Variants in GGACT observed in about 807,000 individuals in gnomAD.
GGACT encodes gamma-glutamylaminecyclotransferase.
For synonymous variants in GGACT, 118 were observed against 115.3 expected, an observed-to-expected ratio of 1.02 and a Z score of -0.15; for missense variants, 241 against 233.2, an observed-to-expected ratio of 1.03 and a Z score of -0.22.
chr13:100,550,298 CTA>C (rs1491365989), intron 2 of GGACT, among the ~76,000 whole-genome samples: 8 of 126,136 alleles, frequency 6.3e-5, no homozygotes, highest in African/African-American at 2.5e-4. Context: ...CGATTATACT[CTA>C]CACACACACA....
rs1384286130 is a variant in GGACT at position 100,545,198 on chromosome 13, G to A, written c.-10-12597C>T. Among the ~76,000 whole-genome samples the A allele has an allele frequency of 6.6e-6, 1 of 152,226 alleles. No individual in the cohort carries two copies. Among genetic ancestry groups the A allele is most frequent in the Non-Finnish European group, 1.5e-5 (1 of 68,040 alleles). On this transcript the variant is annotated intron_variant, in intron 2 of 2. Coordinates refer to ENST00000683975, the MANE Select transcript of GGACT (RefSeq NM_001195087.2). This position sits in a 1 kb window ranked among gnomAD's most constrained non-coding sequence, Gnocchi z 4.4. ...ACGGGGGATCAACGCCACCCCCAAG[G>A]GAGAGCCCTGACTCCATGCCCACCC... is the stretch of plus-strand genomic sequence containing the variant.
chr13:100,540,182 A>G, intron 2 of GGACT: 1 of 1,557,000 alleles, frequency 6.4e-7, no homozygotes, highest in East Asian at 2.2e-5. Flanking sequence ...CAGTTAGTGC[A>G]GCGAATAGGC....
rs1246035632 is a variant in GGACT at position 100,577,416 on chromosome 13, C to CAAAAAAAA, written c.-11+6408_-11+6409insTTTTTTTT. The stretch of plus-strand genomic sequence containing the variant: ...GGGTGACAAGAGCGAGACTCCATCT[C>CAAAAAAAA]AAAAATAAATAAATAAATAAATAAA... On this transcript the variant is annotated intron_variant, in intron 2 of 2. Coordinates refer to ENST00000683975, the MANE Select transcript of GGACT (RefSeq NM_001195087.2). Among the ~76,000 whole-genome samples the CAAAAAAAA allele has an allele frequency of 6.1e-3, 185 of 30,108 alleles. 1 individual carries two copies. Among genetic ancestry groups the CAAAAAAAA allele is most frequent in the African/African-American group, 9.9e-3 (161 of 16,254 alleles). The allele number at this position is 30,108 out of a possible 152,430, so 19.8% of individuals were successfully genotyped here.
chr13:100,543,393 A>C (rs2088573534), intron 2 of GGACT, among the ~76,000 whole-genome samples: 1 of 151,832 alleles, frequency 6.6e-6, no homozygotes, highest in Non-Finnish European at 1.5e-5. Flanking sequence ...TTTTTAGTAG[A>C]GATGGGGTTT....
chr13:100,580,971 C>T (rs1053293151), intron 2 of GGACT, among the ~76,000 whole-genome samples: 2 of 152,222 alleles, frequency 1.3e-5, no homozygotes, highest in Non-Finnish European at 2.9e-5. Flanking sequence ...AAATGTGCCA[C>T]AGGCAATGGG....
chr13:100,559,434 C>G (rs188791117), intron 2 of GGACT, among the ~76,000 whole-genome samples: 2 of 151,704 alleles, frequency 1.3e-5, no homozygotes, highest in African/African-American at 2.4e-5. Flanking sequence ...TGATCTACCC[C>G]CCTCGGCCTC....
chr13:100,551,529 T>C (rs2088664678), intron 2 of GGACT, among the ~76,000 whole-genome samples: 1 of 152,162 alleles, frequency 6.6e-6, no homozygotes, highest in African/African-American at 2.4e-5. Context: ...CTGGGGGCCA[T>C]GCTTCAGTAA....
intron 2 of GGACT, among the ~76,000 whole-genome samples, chr13:100,540,761 C>G (rs1420224768): frequency 6.6e-6 from 1 of 152,224 alleles, no homozygotes; most frequent in Non-Finnish European, 1.5e-5. Flanking sequence ...CTGTGAGGAT[C>G]ACAACCAACA....
chr13:100,556,486 A>C (rs2088709113), intron 2 of GGACT, among the ~76,000 whole-genome samples: 1 of 152,040 alleles, frequency 6.6e-6, no homozygotes, highest in African/African-American at 2.4e-5. Flanking sequence ...TATCTAAATA[A>C]ATGGAGAGAT....
chr13:100,577,762 C>A (rs1458423298), intron 2 of GGACT, among the ~76,000 whole-genome samples: 1 of 144,966 alleles, frequency 6.9e-6, no homozygotes, highest in East Asian at 2.0e-4. Context: ...TGGAAATGTT[C>A]ACAGTAAAAT....
intron 1 of GGACT, among the ~76,000 whole-genome samples, chr13:100,587,893 G>T (rs1426677347): frequency 1.3e-5 from 2 of 152,182 alleles, no homozygotes; most frequent in African/African-American, 4.8e-5. Flanking sequence ...GGGCGTGATA[G>T]CAGGCGCCTG....
At chr13:100,565,925 C>T (rs141049240) in intron 2 of GGACT, among the ~76,000 whole-genome samples, 252 of 152,322 alleles carry the variant, frequency 1.7e-3, no homozygotes, top group African/African-American at 5.6e-3. Flanking sequence ...AAAAAGACTG[C>T]GGCTTCTGTC....
chr13:100,582,487 T>C (rs1435749836), intron 2 of GGACT, among the ~76,000 whole-genome samples: 1 of 152,228 alleles, frequency 6.6e-6, no homozygotes, highest in African/African-American at 2.4e-5. Flanking sequence ...TGTGAGGACC[T>C]TGAGGTGCAG....
intron 2 of GGACT, among the ~76,000 whole-genome samples, chr13:100,572,752 T>C (rs752235214): frequency 5.9e-5 from 9 of 152,120 alleles, no homozygotes; most frequent in Non-Finnish European, 8.8e-5. Context: ...TTTCAGATGA[T>C]GTAAGCTTTT....
In GGACT at chr13:100,587,725, G is replaced by C. The variant is rs542910914; in HGVS notation, c.-184+1016C>G. Among the ~76,000 whole-genome samples the C allele has an allele frequency of 1.1e-3, 173 of 152,222 alleles. 1 individual carries two copies. Among genetic ancestry groups the C allele is most frequent in the African/African-American group, 4.0e-3 (166 of 41,548 alleles). On this transcript the variant is annotated intron_variant, in intron 1 of 2. Transcript: ENST00000683975. ...GGACATTTAGCAAAACGAATAACTT[G>C]CTTTTAAAAAAGGCCACAAATCCCG... is the stretch of plus-strand genomic sequence containing the variant.
chr13:100,549,367 G>A (rs995398200), intron 2 of GGACT, among the ~76,000 whole-genome samples: 2 of 152,232 alleles, frequency 1.3e-5, no homozygotes, highest in African/African-American at 4.8e-5. Context: ...AGCCACCCAT[G>A]TGGCCCTACC....
rs1020759802 is a variant in GGACT, at chr13:100,531,313, T to A, written c.*817A>T. On this transcript the variant is annotated 3_prime_UTR_variant, in exon 3 of 3. Coordinates refer to ENST00000683975, the MANE Select transcript of GGACT (RefSeq NM_001195087.2). Reference sequence around the variant, plus strand: ...CTGTCAGGCCTGAAGAACAAATTACTAATGCATTGGCTCTTCTTTGAAAGG... The same window carrying A: ...CTGTCAGGCCTGAAGAACAAATTACAAATGCATTGGCTCTTCTTTGAAAGG... 2 of 152,262 alleles carry A rather than the reference T, an allele frequency of 1.3e-5. No individual in the cohort carries two copies. The highest frequency in any genetic ancestry group is 4.8e-5 in the African/African-American group (2 of 41,472). 9.4% of individuals were successfully genotyped at this position (152,262 alleles called of 1,614,324 possible).
chr13:100,580,372 G>A (rs529906969), intron 2 of GGACT, among the ~76,000 whole-genome samples: 17 of 152,344 alleles, frequency 1.1e-4, no homozygotes, highest in African/African-American at 3.1e-4. Context: ...AGACACCGAG[G>A]AGGGGGCCAT....
In GGACT at chr13:100,531,607, T is replaced by G. The variant is rs1017563550; in HGVS notation, c.*523A>C. 3 of 152,916 alleles carry G rather than the reference T, an allele frequency of 2.0e-5. No individual in the cohort carries two copies. Among genetic ancestry groups the G allele is most frequent in the African/African-American group, 7.2e-5 (3 of 41,508 alleles). The allele number at this position is 152,916 out of a possible 1,614,324, so 9.5% of individuals were successfully genotyped here. On this transcript the variant is annotated 3_prime_UTR_variant, in exon 3 of 3. Transcript: ENST00000683975. ...TTTAAATAATCTTTAATATTTGCTGTGAAGCTTGATCTGAAAATTAGGAAG... is the reference window on the plus strand; with the variant it reads ...TTTAAATAATCTTTAATATTTGCTGGGAAGCTTGATCTGAAAATTAGGAAG...
Sources: gnomAD v4.1 joint callset for allele counts (sites outside exome capture counted in the v4.1 genomes callset) on GRCh38, gnomAD v4.1.1 for gene constraint, Gnocchi (gnomAD v3.1) non-coding constraint, MANE v1.5 for transcripts, NCBI Gene and HGNC (gene_info 2026-07-23, HGNC 2026-07-21) for gene names.